DCLK1: variants seen among roughly 807,000 people sequenced by gnomAD.
DCLK1 encodes serine/threonine-protein kinase DCLK1.
In DCLK1, 16 loss-of-function variants were observed where a neutral mutation model predicts 86.2. That is an observed-to-expected ratio of 0.19 (90% CI 0.13 to 0.28). The LOEUF is 0.28. Ranked by LOEUF, DCLK1 falls within the 10% of genes least tolerant of loss-of-function variation. The probability of loss-of-function intolerance (pLI) is 1.00; values close to 1 mark genes in which losing one functional copy is unlikely to be tolerated. For missense variants in DCLK1, 590 were observed against 940.2 expected (o/e 0.63, Z 4.87); for synonymous variants, 369 against 370.5 (o/e 1.00, Z 0.05).
chr13:36,032,149 TC>T (rs1426765626), intron 3 of DCLK1, among the ~76,000 whole-genome samples: 1 of 152,018 alleles, frequency 6.6e-6, no homozygotes, highest in Non-Finnish European at 1.5e-5. Context: ...TTTTCTTTTT[TC>T]TTTTTTTTTG....
intron 3 of DCLK1, among the ~76,000 whole-genome samples, chr13:35,979,144 C>G (rs947699614): frequency 6.6e-6 from 1 of 152,176 alleles, no homozygotes; most frequent in Non-Finnish European, 1.5e-5. Context: ...AAAACAGAAG[C>G]TATGTTTTTG....
At chr13:35,901,565 T>C (rs920323121) in intron 4 of DCLK1, among the ~76,000 whole-genome samples, 2 of 116,910 alleles carry the variant, frequency 1.7e-5, no homozygotes, top group Non-Finnish European at 3.5e-5. Flanking sequence ...GGGGAGGAAA[T>C]AGGGTAGAAC....
At chr13:35,848,970 G>A (rs1242749716) in intron 6 of DCLK1, 4 of 985,230 alleles carry the variant, frequency 4.1e-6, no homozygotes, top group Admixed American at 6.2e-5. Flanking sequence ...ATTGGAAACA[G>A]TTTTAAAACC....
At chr13:35,874,681 AAAC>A (rs760527780) in intron 4 of DCLK1, among the ~76,000 whole-genome samples, 27 of 152,258 alleles carry the variant, frequency 1.8e-4, no homozygotes, top group Non-Finnish European at 3.4e-4. Context: ...AGTAACCAAG[AAAC>A]AACATTAACA....
At chr13:35,985,952 A>C (rs1394310920) in intron 3 of DCLK1, among the ~76,000 whole-genome samples, 1 of 152,146 alleles carries the variant, frequency 6.6e-6, no homozygotes, top group East Asian at 1.9e-4. Flanking sequence ...AGTCCAAACA[A>C]TCGTAATCAG....
Position 35,797,772 on chromosome 13 carries a change from T to G in DCLK1, c.1945-4293A>C, listed in dbSNP as rs143980053. ...ATAAAAAGACTTAAACAATTGGCTTTGCAGGGCTCTAATCTGTACCTGCGC... is the reference window on the plus strand; with the variant it reads ...ATAAAAAGACTTAAACAATTGGCTTGGCAGGGCTCTAATCTGTACCTGCGC... On this transcript the variant is annotated intron_variant, in intron 15 of 16. Coordinates refer to ENST00000360631, the MANE Select transcript of DCLK1 (RefSeq NM_001330071.2). Among the ~76,000 whole-genome samples, 760 of 152,304 alleles carry G rather than the reference T, an allele frequency of 5.0e-3. 12 individuals are homozygous for G. The highest frequency in any genetic ancestry group is 0.017 in the African/African-American group (724 of 41,560).
chr13:36,056,579 C>A (rs1434503004), intron 3 of DCLK1, among the ~76,000 whole-genome samples: 1 of 123,130 alleles, frequency 8.1e-6, no homozygotes, highest in Non-Finnish European at 1.6e-5. Flanking sequence ...AACTAACCTG[C>A]ACAATGTGCA....
chr13:35,826,789 G>A (rs1001948861), intron 10 of DCLK1, among the ~76,000 whole-genome samples: 4 of 152,068 alleles, frequency 2.6e-5, no homozygotes, highest in African/African-American at 4.8e-5. Context: ...AGCAGTGTAG[G>A]GATTCCAAAC....
intron 15 of DCLK1, among the ~76,000 whole-genome samples, chr13:35,796,943 A>G (rs1469355333): frequency 6.6e-6 from 1 of 152,224 alleles, no homozygotes; most frequent in Non-Finnish European, 1.5e-5. Context: ...CTGGTGGTCA[A>G]TAAAAGAGAC....
intron 3 of DCLK1, among the ~76,000 whole-genome samples, chr13:35,959,875 G>A (rs928637401): frequency 1.3e-5 from 2 of 151,858 alleles, no homozygotes; most frequent in Admixed American, 6.6e-5. Flanking sequence ...GTGTGTGTGT[G>A]TGTGTGTGTG....
At chr13:35,908,005 T>A (rs1346902182) in intron 4 of DCLK1, among the ~76,000 whole-genome samples, 1 of 152,078 alleles carries the variant, frequency 6.6e-6, no homozygotes. Flanking sequence ...CTGGGGTGGC[T>A]TTGCGATTTT....
intron 3 of DCLK1, among the ~76,000 whole-genome samples, chr13:36,101,068 C>T (rs769156895): frequency 3.3e-5 from 5 of 152,168 alleles, no homozygotes; most frequent in Admixed American, 6.5e-5. Flanking sequence ...GATCTAAAAT[C>T]GGTTCTCAGG....
intron 3 of DCLK1, among the ~76,000 whole-genome samples, chr13:36,026,800 A>T (rs1269546822): frequency 6.6e-6 from 1 of 152,172 alleles, no homozygotes; most frequent in Admixed American, 6.5e-5. Context: ...ACTCTTAGTC[A>T]ACAGCTTCTC....
intron 4 of DCLK1, among the ~76,000 whole-genome samples, chr13:35,932,697 C>A (rs1039276227): frequency 1.3e-5 from 2 of 152,196 alleles, no homozygotes; most frequent in Non-Finnish European, 2.9e-5. Flanking sequence ...TGTGGGAAAA[C>A]TCCCCCATGA....
intron 3 of DCLK1, among the ~76,000 whole-genome samples, chr13:35,976,660 A>G (rs1407997247): frequency 1.3e-5 from 2 of 149,994 alleles, no homozygotes; most frequent in African/African-American, 4.9e-5. Context: ...CCTCCCAAGT[A>G]GCTGGGACTA....
chr13:35,904,636 T>C (rs1874578772), intron 4 of DCLK1, among the ~76,000 whole-genome samples: 1 of 152,184 alleles, frequency 6.6e-6, no homozygotes, highest in Non-Finnish European at 1.5e-5. Context: ...CTCCTTCCCT[T>C]TTGCCTTTAG....
At chr13:35,795,750 G>A (rs1461803812) in intron 15 of DCLK1, among the ~76,000 whole-genome samples, 1 of 151,972 alleles carries the variant, frequency 6.6e-6, no homozygotes, top group African/African-American at 2.4e-5. Flanking sequence ...GAGAAACCCT[G>A]ACTCTACTAA....
chr13:35,991,419 T>A (rs1004215286), intron 3 of DCLK1, among the ~76,000 whole-genome samples: 2 of 152,118 alleles, frequency 1.3e-5, no homozygotes, highest in Non-Finnish European at 2.9e-5. Flanking sequence ...CCCAGCACTT[T>A]GGGAGGCTGA....
chr13:35,851,385 A>G (rs952651478), intron 6 of DCLK1, among the ~76,000 whole-genome samples: 11 of 149,224 alleles, frequency 7.4e-5, no homozygotes, highest in African/African-American at 2.7e-4. Context: ...CTCCTTTCCT[A>G]CCTCCCCTTC....
Sources: allele counts gnomAD v4.1 joint callset (sites outside exome capture counted in the v4.1 genomes callset), GRCh38; gene constraint gnomAD v4.1.1; transcripts MANE v1.5; gene names NCBI Gene and HGNC (gene_info 2026-07-23, HGNC 2026-07-21).